The following ABCC4 variants were observed in gnomAD, a reference collection of about 807,000 sequenced individuals.
ABCC4 encodes ATP binding cassette subfamily C member 4 (PEL blood group).
ABCC4 carries 102 observed loss-of-function variants against 168.5 expected under a neutral mutation model. The ratio of observed to expected loss-of-function variants is 0.61; its 90% CI spans 0.52 to 0.71. The LOEUF is 0.71. Ranked by LOEUF, ABCC4 falls within the 30% of genes least tolerant of loss-of-function variation. The pLI is 0.00. For missense variants in ABCC4, 1,402 were observed against 1,605.8 expected (o/e 0.87, Z 2.17); for synonymous variants, 617 against 590.7 (o/e 1.04, Z -0.65).
chr13:95,184,022 T>C (rs1257240551), intron 11 of ABCC4, among the ~76,000 whole-genome samples: 1 of 152,164 alleles, frequency 6.6e-6, no homozygotes. Flanking sequence ...GATGGAACCA[T>C]GCACAGGGGG....
At chr13:95,073,381 A>G in intron 23 of ABCC4, 77 bp from the exon 24 acceptor site, 1 of 978,636 alleles carries the variant, frequency 1.0e-6, no homozygotes. Flanking sequence ...ACTTACCAAG[A>G]GGAACCCTTC....
At chr13:95,031,845 A>C (rs531754035) in intron 30 of ABCC4, among the ~76,000 whole-genome samples, 12 of 152,342 alleles carry the variant, frequency 7.9e-5, no homozygotes, top group African/African-American at 2.9e-4. Flanking sequence ...GAACATGCTA[A>C]AATTCTATGA....
At chr13:95,023,743 G>T (rs887314253) in intron 30 of ABCC4, among the ~76,000 whole-genome samples, 6 of 152,248 alleles carry the variant, frequency 3.9e-5, no homozygotes, top group African/African-American at 1.4e-4. Flanking sequence ...CTCGAAGGAT[G>T]AAGACAAAGC....
chr13:95,083,440 T>C, intron 20 of ABCC4, 150 bp from the exon 21 acceptor site: 1 of 884,258 alleles, frequency 1.1e-6, no homozygotes, highest in Non-Finnish European at 1.7e-6. Flanking sequence ...ATAACAAAAG[T>C]ATAGGTGGTC....
chr13:95,121,757 AG>A (rs112599983), intron 19 of ABCC4, among the ~76,000 whole-genome samples: 2,613 of 152,222 alleles, frequency 0.017, 32 homozygotes, highest in Middle Eastern at 0.041. Context: ...AGAATCTTAA[AG>A]AATGAGACAG....
intron 4 of ABCC4, among the ~76,000 whole-genome samples, chr13:95,225,169 A>T (rs1045800213): frequency 3.5e-5 from 3 of 84,518 alleles, no homozygotes; most frequent in East Asian, 3.7e-4. Flanking sequence ...ACACACACAC[A>T]CACACACACA....
At chr13:95,286,774 TG>T (rs2041267038) in intron 1 of ABCC4, among the ~76,000 whole-genome samples, 1 of 151,822 alleles carries the variant, frequency 6.6e-6, no homozygotes, top group East Asian at 2.0e-4. Flanking sequence ...CTGGCCAACA[TG>T]GTGAAACCCC....
At chr13:95,228,096 C>T (rs1254017170) in intron 4 of ABCC4, among the ~76,000 whole-genome samples, 1 of 152,024 alleles carries the variant, frequency 6.6e-6, no homozygotes, top group Non-Finnish European at 1.5e-5. Flanking sequence ...TAAATAAAAA[C>T]AAAAGTTCTG....
chr13:95,195,562 CA>C (rs2038389657), intron 8 of ABCC4, among the ~76,000 whole-genome samples: 2 of 152,000 alleles, frequency 1.3e-5, no homozygotes, highest in South Asian at 4.2e-4. Context: ...TGTTCTTTAC[CA>C]AAATAAGAAA....
intron 4 of ABCC4, among the ~76,000 whole-genome samples, chr13:95,220,681 G>A (rs778201818): frequency 5.3e-5 from 8 of 152,194 alleles, no homozygotes; most frequent in Non-Finnish European, 1.2e-4. Context: ...AATGCACAGA[G>A]AGAGGAGGGA....
rs1566563635 is a variant in ABCC4, at chr13:95,244,647, AAGAAAGAAAGAAAGAAAG to A, written c.306+2310_306+2327del. Reference sequence around the variant, plus strand: ...AAAGAAAGAAAGAAAGAAAGAAAGAAAGAAAGAAAGAAAGAAAGAAAGAAATCATAGCAGTTCCTGGTA... The same window carrying A: ...AAAGAAAGAAAGAAAGAAAGAAAGAAAAAGAAATCATAGCAGTTCCTGGTA... On this transcript the variant is annotated intron_variant, in intron 3 of 30. Coordinates refer to ENST00000645237, the MANE Select transcript of ABCC4 (RefSeq NM_005845.5). 3.0e-3 allele frequency among the ~76,000 whole-genome samples: 262 copies of A among 88,114 alleles called. 27 individuals carry two copies. The highest frequency in any genetic ancestry group is 9.2e-3 in the Middle Eastern group (2 of 218). The allele number at this position is 88,114 out of a possible 152,430, so 57.8% of individuals were successfully genotyped here. A position where few individuals can be genotyped will look rare whatever the true frequency, so the allele number is the denominator to read the frequency against.
Position 95,144,995 on chromosome 13 carries a change from T to TA in ABCC4, c.2455+16193dup, listed in dbSNP as rs1003921825. Among the ~76,000 whole-genome samples, 33 of 150,050 alleles carry TA rather than the reference T, an allele frequency of 2.2e-4. 1 individual carries two copies. The highest frequency in any genetic ancestry group is 1.1e-3 in the South Asian group (5 of 4,740). ...ACAAGCAAAAAACAAACAACTCCAG[T>TA]AAAAAAAATGGGCAAAGGACAAAAA... On this transcript the variant is annotated intron_variant, in intron 19 of 30. Transcript: ENST00000645237.
At chr13:95,244,322 A>G (rs1446529325) in intron 3 of ABCC4, among the ~76,000 whole-genome samples, 1 of 151,870 alleles carries the variant, frequency 6.6e-6, no homozygotes, top group Non-Finnish European at 1.5e-5. Context: ...CTGACTGAGC[A>G]TGGTGATTCC....
intron 20 of ABCC4, among the ~76,000 whole-genome samples, chr13:95,110,169 C>T (rs1294057906): frequency 1.3e-5 from 2 of 151,776 alleles, no homozygotes; most frequent in African/African-American, 2.4e-5. Context: ...ATTAGACAGG[C>T]GTGGTGGTGG....
At chr13:95,216,831 T>G (rs1258845823) in intron 4 of ABCC4, among the ~76,000 whole-genome samples, 1 of 152,138 alleles carries the variant, frequency 6.6e-6, no homozygotes, top group East Asian at 1.9e-4. Context: ...TAACAACTCT[T>G]GGGGAGGAAA....
intron 4 of ABCC4, among the ~76,000 whole-genome samples, chr13:95,212,860 G>A (rs1279757426): frequency 6.6e-6 from 1 of 152,152 alleles, no homozygotes; most frequent in Non-Finnish European, 1.5e-5. Context: ...AGGTGCGGTG[G>A]CTCACACCTG....
At chr13:95,240,531 AACACACACACACACAC>A (rs56298285) in intron 3 of ABCC4, among the ~76,000 whole-genome samples, 13 of 149,514 alleles carry the variant, frequency 8.7e-5, no homozygotes, top group South Asian at 4.4e-4. Flanking sequence ...TCCATCTCAA[AACACACACACACACAC>A]ACACACACAC....
At chr13:95,102,512 G>A (rs183424177) in intron 20 of ABCC4, among the ~76,000 whole-genome samples, 1 of 152,190 alleles carries the variant, frequency 6.6e-6, no homozygotes, top group East Asian at 1.9e-4. Context: ...TTGAACTCCT[G>A]ACCTTGAGCA....
chr13:95,031,722 A>G (rs980999040), intron 30 of ABCC4, among the ~76,000 whole-genome samples: 2 of 152,206 alleles, frequency 1.3e-5, no homozygotes, highest in African/African-American at 4.8e-5. Context: ...TGATTTAAAA[A>G]AAGATTCCTA....
Sources: allele counts gnomAD v4.1 joint callset (sites outside exome capture counted in the v4.1 genomes callset), GRCh38; gene constraint gnomAD v4.1.1; transcripts MANE v1.5; gene names NCBI Gene and HGNC (gene_info 2026-07-23, HGNC 2026-07-21).